Variants in ZFHX3 observed in about 807,000 individuals in gnomAD.
ZFHX3 encodes zinc finger homeobox 3.
ZFHX3 carries 42 observed loss-of-function variants against 279.1 expected under a neutral mutation model. That is an observed-to-expected ratio of 0.15 (90% CI 0.12 to 0.19). The LOEUF (loss-of-function observed/expected upper bound fraction) is 0.19, where lower values mean the gene tolerates loss of function less well. Ranked by LOEUF, ZFHX3 falls within the 10% of genes least tolerant of loss-of-function variation. The pLI is 1.00. For missense variants in ZFHX3, 4,981 were observed against 4,754.0 expected, an observed-to-expected ratio of 1.05 and a Z score of -1.40; for synonymous variants, 2,293 against 1,957.8, an observed-to-expected ratio of 1.17 and a Z score of -4.52.
chr16:73,229,988 G>A (rs1379493939), intron 5 of ZFHX3, among the ~76,000 whole-genome samples: 1 of 152,152 alleles, frequency 6.6e-6, no homozygotes, highest in African/African-American at 2.4e-5. Context: ...ATGGATTAAT[G>A]AATAGATAGA....
At chr16:73,458,327 T>G (rs2018411031) in intron 2 of ZFHX3, among the ~76,000 whole-genome samples, 1 of 130,724 alleles carries the variant, frequency 7.6e-6, no homozygotes, top group Admixed American at 8.1e-5. Context: ...CCTCCCTCAC[T>G]TCCTCCCTCC....
At chr16:73,698,891 T>C (rs2053221875) in intron 1 of ZFHX3, among the ~76,000 whole-genome samples, 1 of 151,738 alleles carries the variant, frequency 6.6e-6, no homozygotes, top group Non-Finnish European at 1.5e-5. Context: ...TTTGTTTGTT[T>C]GTTTGTTTTT....
At chr16:73,498,331 G>A (rs1198843863) in intron 2 of ZFHX3, among the ~76,000 whole-genome samples, 1 of 152,200 alleles carries the variant, frequency 6.6e-6, no homozygotes, top group Non-Finnish European at 1.5e-5. Flanking sequence ...GAGCTTTCTG[G>A]AATGACGGAC....
rs574517261 is a variant in ZFHX3 at position 73,716,980 on chromosome 16, T to A, written c.-1607-36740A>T. On this transcript the variant is annotated intron_variant, in intron 1 of 17. Transcript: ENST00000641206. Reference sequence around the variant, plus strand: ...GATGAAAATAAAATTATTTTCACCTTGCCATATGAAAGAATGTTCACATCC... The same window carrying A: ...GATGAAAATAAAATTATTTTCACCTAGCCATATGAAAGAATGTTCACATCC... Among the ~76,000 whole-genome samples, 25 of 152,170 alleles carry A rather than the reference T, an allele frequency of 1.6e-4. 1 individual carries two copies. The East Asian group carries it at 4.8e-3, about 29-fold the overall frequency.
chr16:72,863,340 TAAAAAAAAAAAA>T (rs66692129), intron 4 of ZFHX3, among the ~76,000 whole-genome samples: 1 of 64,630 alleles, frequency 1.5e-5, no homozygotes, highest in Admixed American at 2.0e-4. Context: ...TCATCTCTAC[TAAAAAAAAAAAA>T]AAAAAAAAAA....
At chr16:73,579,757 C>A (rs1302942965) in intron 2 of ZFHX3, among the ~76,000 whole-genome samples, 2 of 149,350 alleles carry the variant, frequency 1.3e-5, no homozygotes, top group Non-Finnish European at 3.0e-5. Flanking sequence ...CCGCCCCAGC[C>A]TCCCAAAGTG....
chr16:73,339,413 A>T (rs1597291480), intron 3 of ZFHX3, among the ~76,000 whole-genome samples: 1 of 152,340 alleles, frequency 6.6e-6, no homozygotes, highest in East Asian at 1.9e-4. Context: ...AGCTCTACAC[A>T]GAGGAGCTGC....
At chr16:73,248,641 A>ATGTGTGTG (rs1346342752) in intron 5 of ZFHX3, among the ~76,000 whole-genome samples, 3 of 110,348 alleles carry the variant, frequency 2.7e-5, no homozygotes, top group South Asian at 6.5e-4. Flanking sequence ...TATGTGGAGA[A>ATGTGTGTG]TGTATGTGTG....
chr16:72,962,208 G>C (rs1013361133), intron 1 of ZFHX3, among the ~76,000 whole-genome samples: 1 of 152,218 alleles, frequency 6.6e-6, no homozygotes, highest in Non-Finnish European at 1.5e-5. Context: ...CTTGTTTATC[G>C]ACAGCAAAGC....
intron 2 of ZFHX3, among the ~76,000 whole-genome samples, chr16:73,649,975 T>G (rs1270754693): frequency 6.6e-6 from 1 of 152,122 alleles, no homozygotes; most frequent in East Asian, 1.9e-4. Flanking sequence ...GAAAAATAGT[T>G]GTATAAGGAT....
chr16:73,288,805 G>C (rs2014698082), intron 4 of ZFHX3, among the ~76,000 whole-genome samples: 1 of 151,800 alleles, frequency 6.6e-6, no homozygotes, highest in Admixed American at 6.6e-5. Flanking sequence ...ATAACCGCCC[G>C]TTTTCACATG....
chr16:73,736,134 G>A (rs1278992246), intron 1 of ZFHX3, among the ~76,000 whole-genome samples: 1 of 152,122 alleles, frequency 6.6e-6, no homozygotes, highest in Non-Finnish European at 1.5e-5. Flanking sequence ...TGACATTGAG[G>A]TCAGAAATGG....
At position 72,794,289 on chromosome 16, in the gene ZFHX3, G is replaced by C; in HGVS notation, c.8393C>G (p.Thr2798Ser). 8.7e-6 allele frequency: 14 copies of C among 1,612,222 alleles called. No individual in the cohort carries two copies. Among genetic ancestry groups the C allele is most frequent in the Non-Finnish European group, 1.1e-5 (13 of 1,178,842 alleles). The change falls in exon 9 of 10, where the codon ACT (threonine) becomes AGT (serine). Residue 2798 changes from threonine to serine, a missense_variant. Coordinates refer to ENST00000268489, the MANE Select transcript of ZFHX3 (RefSeq NM_006885.4). This position sits in a 1 kb window ranked among gnomAD's most constrained non-coding sequence, Gnocchi z 4.2. Reference protein sequence around the residue: ...VSKTMELSPRTLLSPSSIKVE... With the variant: ...VSKTMELSPRSLLSPSSIKVE... The stretch of plus-strand genomic sequence containing the variant: ...CTTAATGGAGGAAGGGCTTAGAAGA[G>C]TTCTGGGTGACAATTCCATGGTTTT...
chr16:73,811,964 C>G (rs1960440862), intron 1 of ZFHX3, among the ~76,000 whole-genome samples: 1 of 152,158 alleles, frequency 6.6e-6, no homozygotes. Context: ...TTTATCTTTG[C>G]AACAATTCTC....
chr16:72,825,272 A>C (rs2036903981), intron 5 of ZFHX3, among the ~76,000 whole-genome samples: 1 of 152,242 alleles, frequency 6.6e-6, no homozygotes. Flanking sequence ...TTGATAATCC[A>C]GTTCATTTTG....
chr16:73,744,341 G>T (rs114083976), intron 1 of ZFHX3, among the ~76,000 whole-genome samples: 1 of 152,142 alleles, frequency 6.6e-6, no homozygotes, highest in African/African-American at 2.4e-5. Flanking sequence ...CCATTTAATC[G>T]GAACAACTCA....
At chr16:73,595,070 A>G (rs1314279278) in intron 2 of ZFHX3, among the ~76,000 whole-genome samples, 3 of 152,132 alleles carry the variant, frequency 2.0e-5, no homozygotes, top group South Asian at 2.1e-4. Flanking sequence ...GGTTGCTTGC[A>G]AAAGCAGGAA....
rs150332160 is a variant in ZFHX3 at position 72,961,552 on chromosome 16, T to C, written c.-49-1358A>G. ...TGTGGCTGCTCCTCCACCCACCATC[T>C]CATTCACACTCAGCCGGTGAAGGTT... is the stretch of plus-strand genomic sequence containing the variant. On this transcript the variant is annotated intron_variant, in intron 1 of 9. Coordinates refer to ENST00000268489, the MANE Select transcript of ZFHX3 (RefSeq NM_006885.4). 7.6e-4 allele frequency among the ~76,000 whole-genome samples: 116 copies of C among 151,968 alleles called. 3 individuals carry two copies. In the East Asian group the frequency reaches 0.022, roughly 29 times the overall value.
chr16:72,859,876 C>T (rs775101510), intron 4 of ZFHX3, among the ~76,000 whole-genome samples: 30 of 152,106 alleles, frequency 2.0e-4, no homozygotes, highest in Admixed American at 3.9e-4. Flanking sequence ...AACAGGACTC[C>T]GCTCCAAGGT....
Sources: allele counts gnomAD v4.1 joint callset (sites outside exome capture counted in the v4.1 genomes callset), GRCh38; gene constraint gnomAD v4.1.1; non-coding constraint Gnocchi (gnomAD v3.1); transcripts MANE v1.5; gene names NCBI Gene and HGNC (gene_info 2026-07-23, HGNC 2026-07-21).